The following LONRF1 variants were observed in gnomAD, a reference collection of about 807,000 sequenced individuals.
LONRF1 encodes LON peptidase N-terminal domain and ring finger 1.
A neutral mutation model predicts 85.8 loss-of-function variants in LONRF1; 37 were observed. The observed-to-expected ratio is 0.43, with a 90% CI of 0.33 to 0.57. The LOEUF (loss-of-function observed/expected upper bound fraction) is 0.57. Ranked by LOEUF, LONRF1 falls within the 20% of genes least tolerant of loss-of-function variation. LONRF1 has a pLI of 0.04. For synonymous variants in LONRF1, 517 were observed against 390.1 expected, an observed-to-expected ratio of 1.33 and a Z score of -3.83; for missense variants, 1,036 against 978.0, an observed-to-expected ratio of 1.06 and a Z score of -0.79.
Position 12,754,687 on chromosome 8 carries a change from C to T in LONRF1, c.721+13G>A. On this transcript the variant is annotated intron_variant, in intron 1 of 11. Transcript: ENST00000398246. ...GCGGTCGGCCCGGCCCCGCCGCATCCCCGCGCGGTCACCTGCTCGCAGCGC... is the reference window on the plus strand; with the variant it reads ...GCGGTCGGCCCGGCCCCGCCGCATCTCCGCGCGGTCACCTGCTCGCAGCGC... 1 of 1,338,408 alleles carries T rather than the reference C, an allele frequency of 7.5e-7. No individual in the cohort carries two copies. The highest frequency in any genetic ancestry group is 9.5e-7 in the Non-Finnish European group (1 of 1,054,768). 82.9% of individuals were successfully genotyped at this position (1,338,408 alleles called of 1,614,324 possible).
intron 4 of LONRF1, 84 bp downstream of exon 4, chr8:12,737,911 G>C (rs1192657224): frequency 3.6e-6 from 5 of 1,395,148 alleles, no homozygotes; most frequent in African/African-American, 1.5e-5. Context: ...GTAGGTGCTA[G>C]TACTTGAAAC....
intron 3 of LONRF1, 45 bp from the exon 4 acceptor site, chr8:12,738,189 G>C (rs753891976): frequency 7.8e-7 from 1 of 1,283,940 alleles, no homozygotes; most frequent in South Asian, 1.6e-5. Context: ...AAAATATTTG[G>C]TTAAGGATAA....
Position 12,755,397 on chromosome 8 carries a change from C to T in LONRF1, c.24G>A (p.Arg8=). 8.5e-7 allele frequency: 1 copy of T among 1,169,942 alleles called. No individual in the cohort carries two copies. The highest frequency in any genetic ancestry group is 1.1e-6 in the Non-Finnish European group (1 of 948,266). The allele number at this position is 1,169,942 out of a possible 1,614,324, so 72.5% of individuals were successfully genotyped here. A position where few individuals can be genotyped will look rare whatever the true frequency, so the allele number is the denominator to read the frequency against. The part of the protein sequence containing the change: MSSPAVA[R]TSPGGSREMA... ...TCTCCCGACTCCCTCCTGGGGAGGT[C>T]CTCGCCACCGCCGGAGAGGACATGG... The change falls in exon 1 of 12, where the codon AGG becomes AGA. Residue 8 remains arginine (R), a synonymous_variant. Coordinates refer to ENST00000398246, the MANE Select transcript of LONRF1 (RefSeq NM_152271.5).
chr8:12,722,327 C>G lies in LONRF1; in HGVS notation c.*769G>C, dbSNP rs893527145. ...TAACTGGTACTGAATTGAGTTCTCC[C>G]TTTACCTTTATGTACAATTAAATGT... On this transcript the variant is annotated 3_prime_UTR_variant, in exon 12 of 12. Transcript: ENST00000398246. 6.6e-6 allele frequency: 1 copy of G among 152,612 alleles called. No individual in the cohort carries two copies. The highest frequency in any genetic ancestry group is 1.5e-5 in the Non-Finnish European group (1 of 68,034). 9.5% of individuals were successfully genotyped at this position (152,612 alleles called of 1,614,324 possible). A position where few individuals can be genotyped will look rare whatever the true frequency, so the allele number is the denominator to read the frequency against.
intron 11 of LONRF1, 34 bp downstream of exon 11, chr8:12,725,693 A>C: frequency 6.3e-7 from 1 of 1,586,430 alleles, no homozygotes; most frequent in Non-Finnish European, 8.6e-7. Context: ...TTTATAAAAA[A>C]GTGACTTTTG....
In LONRF1 at chr8:12,731,764, A is replaced by T. The variant is rs893939136; in HGVS notation, c.1660T>A (p.Tyr554Asn). 3.1e-6 allele frequency: 5 copies of T among 1,612,682 alleles called. No individual in the cohort carries two copies. In the Admixed American group the frequency reaches 8.3e-5, roughly 27 times the overall value. Residue 554 changes from tyrosine (Y) to asparagine (N), a missense_variant, in exon 8 of 12, where the codon TAT (tyrosine) becomes AAT (asparagine). Around this residue, in one of 3 missense-constraint regions of LONRF1, gnomAD observed 265 missense variants for 301.5 expected, o/e 0.88. Transcript: ENST00000398246. ...PDELSERKKI[Y>N]DEETAELSHL... is the part of the protein sequence containing the mutation. ...GAGAGTTCAGCAGTTTCTTCATCAT[A>T]TATTTTTTTTCTCTCAGACAGTTCA... is the stretch of plus-strand genomic sequence containing the variant.
intron 2 of LONRF1, among the ~76,000 whole-genome samples, chr8:12,741,876 T>C (rs1798946210): frequency 6.8e-6 from 1 of 146,916 alleles, no homozygotes; most frequent in African/African-American, 2.5e-5. Flanking sequence ...AAAATTAGAG[T>C]CCTACTAATT....
At chr8:12,740,837 C>T (rs563721507) in intron 3 of LONRF1, 37 bp downstream of exon 3, 7 of 1,603,512 alleles carry the variant, frequency 4.4e-6, no homozygotes, top group Non-Finnish European at 5.1e-6. Context: ...TGCCTCTTAG[C>T]CCTACCATGA....
chr8:12,755,417 A>G lies in LONRF1; in HGVS notation c.4T>C (p.Ser2Pro), dbSNP rs1261730962. Residue 2 changes from serine (S) to proline (P), a missense_variant, in exon 1 of 12, where the codon TCC becomes CCC. By Grantham distance (74) the Ser-to-Pro change is moderately conservative. This residue lies in a region of LONRF1 where 742 missense variants were observed against 614.4 expected (regional missense o/e 1.21). Transcript: ENST00000398246. Reference sequence around the variant, plus strand: ...GAGGTCCTCGCCACCGCCGGAGAGGACATGGCCCGCGGAGGGCTGCGCCGC... The same window carrying G: ...GAGGTCCTCGCCACCGCCGGAGAGGGCATGGCCCGCGGAGGGCTGCGCCGC... M[S>P]SPAVARTSPG... 1.7e-6 allele frequency: 2 copies of G among 1,147,284 alleles called. No individual in the cohort carries two copies. Among genetic ancestry groups the G allele is most frequent in the Non-Finnish European group, 2.1e-6 (2 of 934,734 alleles). The allele number at this position is 1,147,284 out of a possible 1,614,324, so 71.1% of individuals were successfully genotyped here.
At chr8:12,742,299 G>C (rs1481258638) in intron 2 of LONRF1, among the ~76,000 whole-genome samples, 2 of 152,172 alleles carry the variant, frequency 1.3e-5, no homozygotes, top group East Asian at 3.8e-4. Context: ...GGAGGGAAAA[G>C]GTCACTTAAA....
At chr8:12,723,364 T>C (rs1487516410) in intron 11 of LONRF1, 110 bp from the exon 12 acceptor site, 3 of 970,166 alleles carry the variant, frequency 3.1e-6, no homozygotes, top group Non-Finnish European at 4.6e-6. Context: ...ATGTGCCAGG[T>C]GCTATCTCCA....
At chr8:12,736,635 A>G in intron 6 of LONRF1, 66 bp downstream of exon 6, 1 of 1,067,722 alleles carries the variant, frequency 9.4e-7, no homozygotes, top group Non-Finnish European at 1.4e-6. Flanking sequence ...TATTACCTTT[A>G]TCTACACGGT....
At chr8:12,723,308 C>T in intron 11 of LONRF1, 54 bp from the exon 12 acceptor site, 6 of 1,518,484 alleles carry the variant, frequency 4.0e-6, no homozygotes, top group Non-Finnish European at 4.4e-6. Context: ...TATGTAACAA[C>T]AGTAGCAAAC....
chr8:12,748,256 G>C (rs909549011), intron 1 of LONRF1, among the ~76,000 whole-genome samples: 4 of 152,150 alleles, frequency 2.6e-5, no homozygotes, highest in Admixed American at 1.3e-4. Context: ...CCAGGCTGGA[G>C]TGCAGTGGCA....
chr8:12,734,525 C>G (rs768208331), intron 7 of LONRF1, among the ~76,000 whole-genome samples: 2 of 152,160 alleles, frequency 1.3e-5, no homozygotes, highest in African/African-American at 4.8e-5. Context: ...AGTAGGTGAT[C>G]TGCAGTCACT....
At chr8:12,748,120 T>C (rs1186331706) in intron 1 of LONRF1, among the ~76,000 whole-genome samples, 1 of 152,230 alleles carries the variant, frequency 6.6e-6, no homozygotes, top group Middle Eastern at 3.2e-3. Context: ...GTATAAAAAG[T>C]ATAACAAACG....
rs769575232 is a variant in LONRF1, at chr8:12,723,167, T to G, written c.2251A>C (p.Lys751Gln). The change falls in exon 12 of 12, where the codon AAG (lysine) becomes CAG (glutamine). Residue 751 changes from lysine (K) to glutamine (Q), a missense_variant. Around this residue, in one of 3 missense-constraint regions of LONRF1, gnomAD observed 265 missense variants for 301.5 expected, o/e 0.88. Transcript: ENST00000398246. The part of the protein sequence containing the change: ...PRYQLSVLSM[K>Q]SLKERLTKIQ... ...TTGGTCAACCGTTCTTTCAAAGACT[T>G]CATTGACAAAACCGACAGCTGGTAT... The G allele has an allele frequency of 1.2e-6, 2 of 1,614,128 alleles. No individual in the cohort carries two copies. The highest frequency in any genetic ancestry group is 2.2e-5 in the South Asian group (2 of 91,084).
At chr8:12,752,231 T>C (rs1799436670) in intron 1 of LONRF1, among the ~76,000 whole-genome samples, 2 of 152,206 alleles carry the variant, frequency 1.3e-5, no homozygotes, top group African/African-American at 2.4e-5. Context: ...TATAAATACA[T>C]GTCAAATGCC....
In LONRF1 at chr8:12,725,757, T is replaced by G; in HGVS notation, c.2133A>C (p.Gly711=). 6.2e-7 allele frequency: 1 copy of G among 1,613,486 alleles called. No homozygotes were observed. The highest frequency in any genetic ancestry group is 8.5e-7 in the Non-Finnish European group (1 of 1,179,486). The change falls in exon 11 of 12, where the codon GGA becomes GGC. Residue 711 remains glycine, a synonymous_variant. Transcript: ENST00000398246. The part of the protein sequence containing the change: ...RFRSQILQHF[G]SMPEREENLQ... ...GGTTTTCCTCCCTCTCGGGCATTGATCCGAAATGCTGAAGAATTTGGCTTC... is the reference window on the plus strand; with the variant it reads ...GGTTTTCCTCCCTCTCGGGCATTGAGCCGAAATGCTGAAGAATTTGGCTTC...
Sources: gnomAD v4.1 joint callset for allele counts (sites outside exome capture counted in the v4.1 genomes callset) on GRCh38, gnomAD v4.1.1 for gene constraint, gnomAD v4.1.1 regional missense constraint, MANE v1.5 for transcripts, NCBI Gene and HGNC (gene_info 2026-07-23, HGNC 2026-07-21) for gene names.